Variants in GALNT9 observed in about 807,000 individuals in gnomAD.
The protein encoded by GALNT9 is polypeptide N-acetylgalactosaminyltransferase 9, also known as GalNAc transferase 9.
Under a neutral mutation model 63.1 loss-of-function variants are expected in GALNT9, and 47 were observed. The observed-to-expected ratio is 0.75, with a 90% confidence interval of 0.59 to 0.95. The LOEUF is 0.95. GALNT9 is among the 40% of genes least tolerant of loss of function. The probability of loss-of-function intolerance (pLI) is 0.00; values close to 1 mark genes in which losing one functional copy is unlikely to be tolerated. For missense variants in GALNT9, 829 were observed against 874.8 expected (o/e 0.95, Z 0.66); for synonymous variants, 396 against 365.7 (o/e 1.08, Z -0.94).
intron 5 of GALNT9, among the ~76,000 whole-genome samples, chr12:132,249,468 T>G (rs1878829038): frequency 6.6e-6 from 1 of 152,274 alleles, no homozygotes; most frequent in African/African-American, 2.4e-5. Flanking sequence ...GTCCTTTTAT[T>G]TGTGCAAAGA....
intron 2 of GALNT9, among the ~76,000 whole-genome samples, chr12:132,267,800 C>CAGACGCACTCACACAT (rs138324682): frequency 7.1e-6 from 1 of 140,016 alleles, no homozygotes; most frequent in African/African-American, 3.0e-5. Context: ...CGCACTCACA[C>CAGACGCACTCACACAT]GCACTCACAC....
intron 6 of GALNT9, among the ~76,000 whole-genome samples, chr12:132,204,667 C>T (rs1199133208): frequency 6.6e-6 from 1 of 152,152 alleles, no homozygotes; most frequent in Non-Finnish European, 1.5e-5. Flanking sequence ...CACAGCTAAG[C>T]CCACGTCCCC....
At chr12:132,321,467 C>T (rs888139114) in intron 1 of GALNT9, among the ~76,000 whole-genome samples, 4 of 152,186 alleles carry the variant, frequency 2.6e-5, no homozygotes, top group East Asian at 1.9e-4. Context: ...TCACATCCCT[C>T]GTCAAGAACC....
chr12:132,225,203 A>C, intron 6 of GALNT9, among the ~76,000 whole-genome samples: 1 of 146,378 alleles, frequency 6.8e-6, no homozygotes, highest in Non-Finnish European at 1.5e-5. Context: ...CACANCCCAC[A>C]CACATACACT....
At chr12:132,259,643 C>T (rs558042699) in intron 4 of GALNT9, among the ~76,000 whole-genome samples, 4 of 152,260 alleles carry the variant, frequency 2.6e-5, no homozygotes, top group East Asian at 1.9e-4. Context: ...ATGGAAACCA[C>T]GGACTTTAAG....
At chr12:132,224,922 A>T (rs1359656510) in intron 6 of GALNT9, among the ~76,000 whole-genome samples, 9 of 139,344 alleles carry the variant, frequency 6.5e-5, no homozygotes, top group African/African-American at 2.5e-4. Context: ...TACACGTGCC[A>T]CATGCATAAA....
intron 6 of GALNT9, among the ~76,000 whole-genome samples, chr12:132,215,089 T>C (rs1877130586): frequency 6.6e-6 from 1 of 152,160 alleles, no homozygotes; most frequent in South Asian, 2.1e-4. Flanking sequence ...TTTAAGGGCG[T>C]TTGGGAGGAA....
chr12:132,250,250 G>T (rs1026136341), intron 5 of GALNT9, among the ~76,000 whole-genome samples: 2 of 152,212 alleles, frequency 1.3e-5, no homozygotes, highest in Admixed American at 1.3e-4. Flanking sequence ...AGTCCACGGG[G>T]GCAGGAAGTG....
intron 2 of GALNT9, among the ~76,000 whole-genome samples, chr12:132,263,511 A>AG (rs1189992207): frequency 3.5e-5 from 5 of 143,702 alleles, no homozygotes; most frequent in Admixed American, 3.4e-4. Context: ...GCCCAGGGGG[A>AG]GGGGGGCAGG....
intron 1 of GALNT9, among the ~76,000 whole-genome samples, chr12:132,312,703 C>T (rs1272315187): frequency 6.6e-6 from 1 of 152,182 alleles, no homozygotes; most frequent in Non-Finnish European, 1.5e-5. Flanking sequence ...GGAAACTGGC[C>T]CTGCCCTTGC....
intron 2 of GALNT9, chr12:132,280,523 G>C (rs942974773): frequency 2.6e-5 from 4 of 152,288 alleles, no homozygotes; most frequent in African/African-American, 7.2e-5. Flanking sequence ...CCGCGTGGAA[G>C]CTTCTGAGAG....
At chr12:132,270,508 G>A (rs1042309674) in intron 2 of GALNT9, among the ~76,000 whole-genome samples, 3 of 152,260 alleles carry the variant, frequency 2.0e-5, no homozygotes, top group African/African-American at 7.2e-5. Context: ...CTGGCTTCAC[G>A]CGTTAGCTCT....
intron 4 of GALNT9, among the ~76,000 whole-genome samples, chr12:132,259,861 C>T (rs1879296687): frequency 6.6e-6 from 1 of 152,240 alleles, no homozygotes; most frequent in Non-Finnish European, 1.5e-5. Context: ...GATATTAAAT[C>T]TTCAGTTTTT....
chr12:132,270,690 GGCCACA>G (rs1402796550), intron 2 of GALNT9, among the ~76,000 whole-genome samples: 7 of 149,878 alleles, frequency 4.7e-5, no homozygotes, highest in African/African-American at 1.7e-4. Context: ...CCACAGCCAT[GGCCACA>G]GCCACAGCCA....
chr12:132,304,864 A>C (rs1196582806), intron 1 of GALNT9, among the ~76,000 whole-genome samples: 81 of 4,894 alleles, frequency 0.017, no homozygotes, highest in Admixed American at 0.055. Flanking sequence ...CGGGCACAGA[A>C]TCGCCCAGAC....
At chr12:132,271,083 G>A (rs1014489544) in intron 2 of GALNT9, among the ~76,000 whole-genome samples, 31 of 152,188 alleles carry the variant, frequency 2.0e-4, no homozygotes, top group African/African-American at 6.8e-4. Context: ...CATGACAGAC[G>A]CTGCGCCCGT....
At chr12:132,227,565 T>C (rs1877740663) in intron 6 of GALNT9, among the ~76,000 whole-genome samples, 1 of 152,218 alleles carries the variant, frequency 6.6e-6, no homozygotes, top group Non-Finnish European at 1.5e-5. Context: ...AGTTAACTTA[T>C]ATCCAGTGCT....
rs149034291 is a variant in GALNT9 at position 132,198,089 on chromosome 12, C to T, written c.1498-130G>A. The T allele has an allele frequency of 2.5e-3, 1,864 of 739,064 alleles. 2 individuals are homozygous for T. Among genetic ancestry groups the T allele is most frequent in the Middle Eastern group, 3.7e-3 (10 of 2,682 alleles). 45.8% of individuals were successfully genotyped at this position (739,064 alleles called of 1,614,324 possible). On this transcript the variant is annotated intron_variant, in intron 9 of 10. Coordinates refer to ENST00000328957, the MANE Select transcript of GALNT9 (RefSeq NM_001122636.2). ...GCGGCTGCCTTGGAGCCTCCCACCC[C>T]GGGGACGCTGTTGCGGGCGGGAGAG...
intron 6 of GALNT9, among the ~76,000 whole-genome samples, chr12:132,218,772 A>G (rs1877319996): frequency 1.3e-5 from 2 of 152,212 alleles, no homozygotes. Flanking sequence ...TTTCAGATAC[A>G]ATGGAGGCGA....
Sources: allele counts gnomAD v4.1 joint callset (sites outside exome capture counted in the v4.1 genomes callset), GRCh38; gene constraint gnomAD v4.1.1; transcripts MANE v1.5; gene names NCBI Gene and HGNC (gene_info 2026-07-23, HGNC 2026-07-21).